Variants in GNAL observed in about 807,000 individuals in gnomAD.
The protein encoded by GNAL is guanine nucleotide-binding protein G(olf) subunit alpha.
Under a neutral mutation model 55.1 loss-of-function variants are expected in GNAL, and 18 were observed. The observed-to-expected ratio is 0.33, with a 90% CI of 0.23 to 0.48. The LOEUF (loss-of-function observed/expected upper bound fraction) is 0.48, where lower values mean the gene tolerates loss of function less well. Ranked by LOEUF, GNAL falls within the 20% of genes least tolerant of loss-of-function variation. The pLI is 0.99. For missense variants in GNAL, 412 were observed against 614.1 expected, an observed-to-expected ratio of 0.67 and a Z score of 3.48; for synonymous variants, 253 against 237.0, an observed-to-expected ratio of 1.07 and a Z score of -0.62.
At chr18:11,743,314 C>CA (rs527239039) in intron 1 of GNAL, among the ~76,000 whole-genome samples, 2,345 of 116,312 alleles carry the variant, frequency 0.02, 33 homozygotes, top group African/African-American at 0.041. Context: ...CTCACTAATA[C>CA]AAAAAAAAAA....
At chr18:11,779,061 TG>T (rs1330515867) in intron 4 of GNAL, among the ~76,000 whole-genome samples, 1 of 152,010 alleles carries the variant, frequency 6.6e-6, no homozygotes, top group Admixed American at 6.6e-5. Flanking sequence ...TTGTGGAAAC[TG>T]TGAAAAGAGC....
chr18:11,848,217 G>T (rs2035779828), intron 5 of GNAL, among the ~76,000 whole-genome samples: 1 of 152,156 alleles, frequency 6.6e-6, no homozygotes, highest in African/African-American at 2.4e-5. Context: ...GAACACCGTG[G>T]AAATGGCTGG....
rs1257731380 is a variant in GNAL, at chr18:11,751,553, C to T, written c.377-1300C>T. ...TCCTCCCTGCTAGAATATGCATGAT[C>T]CTCCGCGAGTCTTCGCCCGCCAGGA... On this transcript the variant is annotated intron_variant, in intron 1 of 11. Coordinates refer to ENST00000334049, the MANE Select transcript of GNAL (RefSeq NM_182978.4). The surrounding 1 kb of genome is among the most constrained non-coding windows in gnomAD (Gnocchi z 4.5). The T allele has an allele frequency of 3.0e-6, 3 of 985,378 alleles. No individual in the cohort carries two copies. Among genetic ancestry groups the T allele is most frequent in the Non-Finnish European group, 3.6e-6 (3 of 829,956 alleles). The allele number at this position is 985,378 out of a possible 1,614,324, so 61.0% of individuals were successfully genotyped here. A position where few individuals can be genotyped will look rare whatever the true frequency, so the allele number is the denominator to read the frequency against.
chr18:11,751,622 A>G lies in GNAL; in HGVS notation c.377-1231A>G. Reference sequence around the variant, plus strand: ...CAACACGGGGCGCGCGCCCAGACGCACTTTCCCGGCTCGGGGTGCAAGAGA... The same window carrying G: ...CAACACGGGGCGCGCGCCCAGACGCGCTTTCCCGGCTCGGGGTGCAAGAGA... On this transcript the variant is annotated intron_variant, in intron 1 of 11. Coordinates refer to ENST00000334049, the MANE Select transcript of GNAL (RefSeq NM_182978.4). The surrounding 1 kb of genome is among the most constrained non-coding windows in gnomAD (Gnocchi z 4.5). 1.0e-6 allele frequency: 1 copy of G among 985,312 alleles called. No homozygotes were observed. Among genetic ancestry groups the G allele is most frequent in the Non-Finnish European group, 1.2e-6 (1 of 829,948 alleles). 61.0% of individuals were successfully genotyped at this position (985,312 alleles called of 1,614,324 possible).
intron 11 of GNAL, among the ~76,000 whole-genome samples, chr18:11,880,289 T>C (rs921278784): frequency 1.4e-5 from 2 of 142,818 alleles, no homozygotes; most frequent in South Asian, 2.4e-4. Flanking sequence ...GCTAATTAGG[T>C]GGGGCACAGT....
intron 5 of GNAL, chr18:11,851,457 T>G: frequency 6.8e-7 from 1 of 1,475,414 alleles, no homozygotes; most frequent in Admixed American, 2.7e-5. Context: ...CCTTACCTTC[T>G]CTGCCTTCGG....
chr18:11,798,037 A>T (rs1278008160), intron 4 of GNAL, among the ~76,000 whole-genome samples: 1 of 152,208 alleles, frequency 6.6e-6, no homozygotes, highest in Non-Finnish European at 1.5e-5. Flanking sequence ...ACACTTTCTG[A>T]TAGCAAAGAT....
chr18:11,727,061 G>A (rs1254702054), intron 1 of GNAL, among the ~76,000 whole-genome samples: 1 of 152,050 alleles, frequency 6.6e-6, no homozygotes, highest in Non-Finnish European at 1.5e-5. Flanking sequence ...CACACCCCCA[G>A]CCCTAGTCCG....
At chr18:11,719,778 T>C (rs1051729438) in intron 1 of GNAL, among the ~76,000 whole-genome samples, 8 of 152,164 alleles carry the variant, frequency 5.3e-5, no homozygotes, top group Admixed American at 2.6e-4. Context: ...GCAGCAGCCA[T>C]GGACAGTGCA....
At chr18:11,850,378 A>C (rs2035830457) in intron 5 of GNAL, among the ~76,000 whole-genome samples, 2 of 152,330 alleles carry the variant, frequency 1.3e-5, no homozygotes, top group Non-Finnish European at 2.9e-5. Flanking sequence ...TGCTAGATTA[A>C]AATGATCTCT....
At chr18:11,865,195 G>A (rs80121647) in intron 7 of GNAL, among the ~76,000 whole-genome samples, 2,108 of 143,246 alleles carry the variant, frequency 0.015, 280 homozygotes, top group African/African-American at 0.058. Context: ...ATCTTCCTAC[G>A]GCACGGCCTG....
intron 1 of GNAL, among the ~76,000 whole-genome samples, chr18:11,717,091 G>A (rs762596394): frequency 6.6e-6 from 1 of 152,238 alleles, no homozygotes; most frequent in Non-Finnish European, 1.5e-5. Flanking sequence ...GCCCTGCCAC[G>A]CGGGAAGGCA....
intron 4 of GNAL, among the ~76,000 whole-genome samples, chr18:11,768,985 T>A (rs1295151186): frequency 2.1e-5 from 2 of 94,012 alleles, no homozygotes; most frequent in African/African-American, 1.8e-4. Flanking sequence ...ATATTATATA[T>A]TCTATATTAT....
At chr18:11,724,008 A>G (rs9303744) in intron 1 of GNAL, among the ~76,000 whole-genome samples, 4,534 of 152,318 alleles carry the variant, frequency 0.03, 206 homozygotes, top group African/African-American at 0.097. Flanking sequence ...AGAGCCTATT[A>G]TAGTCATTTC....
chr18:11,732,102 C>T (rs914785002), intron 1 of GNAL, among the ~76,000 whole-genome samples: 4 of 152,152 alleles, frequency 2.6e-5, no homozygotes, highest in Non-Finnish European at 5.9e-5. Flanking sequence ...TTGCGTGTTT[C>T]TGCTTCTGTG....
intron 10 of GNAL, among the ~76,000 whole-genome samples, chr18:11,875,879 G>A (rs1266991196): frequency 1.3e-5 from 2 of 152,172 alleles, no homozygotes; most frequent in Non-Finnish European, 2.9e-5. Context: ...GACACCGGCC[G>A]ATTCAGTGTC....
chr18:11,768,243 G>A (rs866008305), intron 4 of GNAL, among the ~76,000 whole-genome samples: 8 of 152,324 alleles, frequency 5.3e-5, no homozygotes, highest in Middle Eastern at 3.4e-3. Flanking sequence ...CACAAAGGAA[G>A]TGTTAGTTAT....
At chr18:11,816,946 C>CAA (rs1312259662) in intron 4 of GNAL, among the ~76,000 whole-genome samples, 1 of 151,446 alleles carries the variant, frequency 6.6e-6, no homozygotes, top group Non-Finnish European at 1.5e-5. Flanking sequence ...CTAGAAAAGG[C>CAA]AAAACTATAG....
intron 4 of GNAL, among the ~76,000 whole-genome samples, chr18:11,796,264 G>T (rs561250530): frequency 6.6e-6 from 1 of 152,244 alleles, no homozygotes; most frequent in South Asian, 2.1e-4. Flanking sequence ...AGACTGAAAA[G>T]TGCAACAAAG....
Sources: gnomAD v4.1 joint callset for allele counts (sites outside exome capture counted in the v4.1 genomes callset) on GRCh38, gnomAD v4.1.1 for gene constraint, Gnocchi (gnomAD v3.1) non-coding constraint, MANE v1.5 for transcripts, NCBI Gene and HGNC (gene_info 2026-07-23, HGNC 2026-07-21) for gene names.